Variants in CDON observed in about 807,000 individuals in gnomAD.
CDON encodes cell adhesion associated, oncogene regulated, also known as cell adhesion molecule-related/down-regulated by oncogenes.
CDON carries 73 observed loss-of-function variants against 120.9 expected under a neutral mutation model. That is an observed-to-expected ratio of 0.60 (90% CI 0.50 to 0.73). CDON has a LOEUF of 0.73. CDON is among the 30% of genes least tolerant of loss of function. CDON has a pLI of 0.00. For missense variants in CDON, 1,470 were observed against 1,587.3 expected (o/e 0.93, Z 1.26); for synonymous variants, 566 against 573.5 (o/e 0.99, Z 0.19).
intron 15 of CDON, among the ~76,000 whole-genome samples, chr11:125,987,671 G>C (rs1292857083): frequency 3.9e-5 from 6 of 152,146 alleles, no homozygotes; most frequent in Non-Finnish European, 8.8e-5. Context: ...ATAAATAACA[G>C]TTATAATGTT....
At chr11:126,013,701 A>C (rs1215860152) in intron 7 of CDON, among the ~76,000 whole-genome samples, 1 of 152,058 alleles carries the variant, frequency 6.6e-6, no homozygotes, top group African/African-American at 2.4e-5. Flanking sequence ...ATTTTCCCCA[A>C]AGATGTGTCC....
chr11:126,035,529 G>A (rs1177634862), intron 1 of CDON, among the ~76,000 whole-genome samples: 5 of 152,122 alleles, frequency 3.3e-5, no homozygotes, highest in Non-Finnish European at 7.4e-5. Flanking sequence ...CATCAAAGCT[G>A]TCATCCTACC....
intron 4 of CDON, among the ~76,000 whole-genome samples, chr11:126,019,336 A>G (rs1009714315): frequency 6.6e-6 from 1 of 152,186 alleles, no homozygotes; most frequent in Non-Finnish European, 1.5e-5. Flanking sequence ...AAGCAAAACG[A>G]AATAAAGGGG....
chr11:126,050,413 A>T lies in CDON; in HGVS notation c.-62+12166T>A, dbSNP rs190106566. On this transcript the variant is annotated intron_variant, in intron 1 of 19. Transcript: ENST00000531738. ...TGAACTAGATTAAAACTTTTATATGATATCAATGCTCGATCATTTAGTCTT... is the reference window on the plus strand; with the variant it reads ...TGAACTAGATTAAAACTTTTATATGTTATCAATGCTCGATCATTTAGTCTT... Among the ~76,000 whole-genome samples the T allele has an allele frequency of 9.5e-4, 144 of 151,960 alleles. 1 individual carries two copies. The highest frequency in any genetic ancestry group is 6.8e-3 in the Middle Eastern group (2 of 294).
chr11:126,049,063 C>T (rs1294725711), intron 1 of CDON, among the ~76,000 whole-genome samples: 1 of 152,176 alleles, frequency 6.6e-6, no homozygotes, highest in Non-Finnish European at 1.5e-5. Context: ...AGTTAACCTG[C>T]AGACCTGAAA....
chr11:126,018,042 G>C (rs973594595), intron 5 of CDON, among the ~76,000 whole-genome samples: 6 of 152,168 alleles, frequency 3.9e-5, no homozygotes, highest in Admixed American at 3.3e-4. Context: ...TGGGACTACA[G>C]GCATGTGCTG....
At chr11:125,982,922 CA>C (rs1001047606) in intron 16 of CDON, among the ~76,000 whole-genome samples, 1 of 152,052 alleles carries the variant, frequency 6.6e-6, no homozygotes, top group African/African-American at 2.4e-5. Context: ...GCATTAAAAC[CA>C]CTTAGAAAAT....
intron 1 of CDON, among the ~76,000 whole-genome samples, chr11:126,062,146 G>A (rs773070730): frequency 1.8e-4 from 28 of 152,162 alleles, no homozygotes; most frequent in South Asian, 4.1e-4. Flanking sequence ...CATTGTGCAG[G>A]AAATTTCTCT....
chr11:126,059,898 A>G (rs953547585), intron 1 of CDON, among the ~76,000 whole-genome samples: 1 of 152,092 alleles, frequency 6.6e-6, no homozygotes. Context: ...CAATGGGGGA[A>G]AGAGCACAAG....
chr11:126,030,287 G>T (rs974937377), intron 1 of CDON, among the ~76,000 whole-genome samples: 6 of 152,180 alleles, frequency 3.9e-5, no homozygotes, highest in African/African-American at 1.4e-4. Flanking sequence ...TCAACATGCT[G>T]CCAGAATAAT....
At chr11:125,969,720 T>A (rs1385853172) in intron 18 of CDON, among the ~76,000 whole-genome samples, 1 of 152,244 alleles carries the variant, frequency 6.6e-6, no homozygotes, top group African/African-American at 2.4e-5. Context: ...GTCTGGGACC[T>A]GTTAGTTTAC....
In CDON at chr11:125,958,588, TGTG is replaced by T. The variant is rs1266814137; in HGVS notation, c.*2351_*2353del. The T allele has an allele frequency of 1.3e-5, 2 of 149,878 alleles. No homozygotes were observed. The highest frequency in any genetic ancestry group is 3.2e-3 in the Middle Eastern group (1 of 308). 9.3% of individuals were successfully genotyped at this position (149,878 alleles called of 1,614,324 possible). A position where few individuals can be genotyped will look rare whatever the true frequency, so the allele number is the denominator to read the frequency against. On this transcript the variant is annotated 3_prime_UTR_variant, in exon 20 of 20. Transcript: ENST00000531738. ...ATATGTGTGTGTGTGTGTGTGTGTG[TGTG>T]TTTATATATATATATTTATATATTT...
At chr11:125,968,175 T>C (rs1301406776) in intron 18 of CDON, among the ~76,000 whole-genome samples, 1 of 152,202 alleles carries the variant, frequency 6.6e-6, no homozygotes, top group Non-Finnish European at 1.5e-5. Context: ...TATTAGAAAT[T>C]AATAACCTGT....
At chr11:126,060,071 AAGTG>A (rs1948761203) in intron 1 of CDON, among the ~76,000 whole-genome samples, 1 of 152,228 alleles carries the variant, frequency 6.6e-6, no homozygotes, top group Non-Finnish European at 1.5e-5. Flanking sequence ...GTGCTGTTGA[AAGTG>A]AGTTAGTGCC....
chr11:126,010,232 A>G (rs1283591598), intron 8 of CDON, 109 bp downstream of exon 8: 1 of 820,352 alleles, frequency 1.2e-6, no homozygotes, highest in Non-Finnish European at 1.9e-6. Context: ...CATCAGGAAA[A>G]AATATAGAGA....
At position 126,022,962 on chromosome 11, in the gene CDON, C is replaced by T. The variant is rs148200841; in HGVS notation, c.76+439G>A. ...AGAGGTAGACAATAAATTAGGCAAG[C>T]TCATAAGAGAAAGTGGCAGACCTGG... On this transcript the variant is annotated intron_variant, in intron 2 of 19. Coordinates refer to ENST00000531738, the MANE Select transcript of CDON (RefSeq NM_001378964.1). 3.0e-3 allele frequency among the ~76,000 whole-genome samples: 461 copies of T among 152,262 alleles called. 2 individuals are homozygous for T. Among genetic ancestry groups the T allele is most frequent in the African/African-American group, 9.9e-3 (412 of 41,554 alleles).
At chr11:126,030,986 T>C (rs192952172) in intron 1 of CDON, among the ~76,000 whole-genome samples, 3 of 152,276 alleles carry the variant, frequency 2.0e-5, no homozygotes, top group Admixed American at 6.5e-5. Context: ...CAAGAACCTA[T>C]GAGGGGTGCA....
At chr11:126,002,650 C>T (rs1411545484) in intron 10 of CDON, among the ~76,000 whole-genome samples, 2 of 152,226 alleles carry the variant, frequency 1.3e-5, no homozygotes, top group African/African-American at 2.4e-5. Context: ...TTCCCCAGCA[C>T]TGTCCTTGGA....
chr11:126,020,568 T>G (rs1354494227), intron 3 of CDON, among the ~76,000 whole-genome samples: 3 of 152,162 alleles, frequency 2.0e-5, no homozygotes, highest in African/African-American at 7.2e-5. Flanking sequence ...TTCTCAGTTA[T>G]GACAAACTCA....
Sources: allele counts gnomAD v4.1 joint callset (sites outside exome capture counted in the v4.1 genomes callset), GRCh38; gene constraint gnomAD v4.1.1; transcripts MANE v1.5; gene names NCBI Gene and HGNC (gene_info 2026-07-23, HGNC 2026-07-21).